The following CCSER2 variants were observed in gnomAD, a reference collection of about 807,000 sequenced individuals.
CCSER2 encodes coiled-coil serine rich protein 2, also known as serine-rich coiled-coil domain-containing protein 2.
Under a neutral mutation model 92.3 loss-of-function variants are expected in CCSER2, and 46 were observed. The ratio of observed to expected loss-of-function variants is 0.50; its 90% CI spans 0.39 to 0.64. CCSER2 has a LOEUF of 0.64. Among genes scored for constraint, CCSER2 ranks in the 30% least tolerant of loss-of-function variants. The pLI is 0.00. For synonymous variants in CCSER2, 433 were observed against 431.4 expected (o/e 1.00, Z -0.04); for missense variants, 1,244 against 1,238.9 (o/e 1.00, Z -0.06).
chr10:84,362,789 G>A (rs1451183527), intron 1 of CCSER2, among the ~76,000 whole-genome samples: 3 of 151,922 alleles, frequency 2.0e-5, no homozygotes, highest in Non-Finnish European at 4.4e-5. Context: ...GGCTAAAGTT[G>A]TCATTTTTGC....
At chr10:84,344,989 C>T (rs1329074966) in intron 1 of CCSER2, among the ~76,000 whole-genome samples, 1 of 152,200 alleles carries the variant, frequency 6.6e-6, no homozygotes, top group Non-Finnish European at 1.5e-5. Flanking sequence ...ACCTGGCACA[C>T]AAGTACTTAA....
intron 1 of CCSER2, among the ~76,000 whole-genome samples, chr10:84,348,029 C>T (rs1156672063): frequency 6.6e-6 from 1 of 152,208 alleles, no homozygotes; most frequent in Non-Finnish European, 1.5e-5. Flanking sequence ...GGCAGAGACG[C>T]TCGTCACTTC....
At chr10:84,332,436 A>ATTTTTTTTTTTTT in intron 1 of CCSER2, among the ~76,000 whole-genome samples, 2 of 55,212 alleles carry the variant, frequency 3.6e-5, no homozygotes, top group Non-Finnish European at 5.3e-5. Context: ...ATATATATAT[A>ATTTTTTTTTTTTT]TTTTTTTTTT....
intron 3 of CCSER2, among the ~76,000 whole-genome samples, chr10:84,383,666 C>T (rs1474277214): frequency 2.0e-5 from 3 of 152,084 alleles, no homozygotes; most frequent in African/African-American, 7.2e-5. Context: ...GTGGTTGCAC[C>T]TTCTCTACAT....
intron 1 of CCSER2, among the ~76,000 whole-genome samples, chr10:84,341,938 C>G (rs560643694): frequency 2.2e-4 from 34 of 152,300 alleles, no homozygotes; most frequent in African/African-American, 7.2e-4. Flanking sequence ...GTACCACTCT[C>G]CAGATATCTC....
intron 1 of CCSER2, among the ~76,000 whole-genome samples, chr10:84,339,633 G>A (rs538188826): frequency 1.7e-4 from 26 of 151,648 alleles, no homozygotes; most frequent in Admixed American, 5.9e-4. Flanking sequence ...GCGCCACCAC[G>A]CCTGGCTGGT....
intron 4 of CCSER2, among the ~76,000 whole-genome samples, chr10:84,421,488 C>T (rs1295955231): frequency 6.6e-6 from 1 of 152,012 alleles, no homozygotes; most frequent in East Asian, 1.9e-4. Flanking sequence ...GGGAAAATCC[C>T]CTTATAAAAT....
At chr10:84,485,401 G>A (rs35597624) in intron 9 of CCSER2, among the ~76,000 whole-genome samples, 8,858 of 152,064 alleles carry the variant, frequency 0.058, 367 homozygotes, top group Admixed American at 0.1. Flanking sequence ...CCTAACCTCT[G>A]GTAACCACTA....
intron 1 of CCSER2, among the ~76,000 whole-genome samples, chr10:84,347,095 C>T (rs1437943629): frequency 2.0e-5 from 3 of 152,170 alleles, no homozygotes; most frequent in Non-Finnish European, 2.9e-5. Context: ...CACATGGTTG[C>T]GGGTAAGGTC....
At chr10:84,355,585 A>G (rs1038416228) in intron 1 of CCSER2, among the ~76,000 whole-genome samples, 2 of 151,974 alleles carry the variant, frequency 1.3e-5, no homozygotes, top group African/African-American at 4.8e-5. Context: ...TCTTGTCTAC[A>G]TGTCTTTTCC....
intron 1 of CCSER2, among the ~76,000 whole-genome samples, chr10:84,370,020 C>A (rs997507242): frequency 3.9e-5 from 6 of 152,036 alleles, no homozygotes; most frequent in African/African-American, 1.4e-4. Flanking sequence ...TACTTTTATA[C>A]CAGTACCATG....
chr10:84,372,077 C>G lies in CCSER2; in HGVS notation c.1025C>G (p.Ser342Ter). ...GTMTVDGNKN[S>*]PADTCVEEDA... ...ATGACAGTTGATGGAAATAAAAATT[C>G]ACCTGCTGACACATGTGTAGAGGAA... Residue 342 changes from serine (S) to a stop codon, truncating the protein, a stop_gained, in exon 2 of 10, where the codon TCA (serine) becomes TGA (stop). Transcript: ENST00000372088. LOFTEE classifies it high-confidence loss of function. The G allele has an allele frequency of 6.2e-7, 1 of 1,613,780 alleles. No individual in the cohort carries two copies. The highest frequency in any genetic ancestry group is 1.1e-5 in the South Asian group (1 of 91,072).
intron 6 of CCSER2, among the ~76,000 whole-genome samples, chr10:84,451,644 A>G (rs1845297560): frequency 6.6e-6 from 1 of 152,224 alleles, no homozygotes; most frequent in Non-Finnish European, 1.5e-5. Flanking sequence ...ATCTGGGTTC[A>G]GATATGTACA....
chr10:84,345,382 C>T (rs1326098746), intron 1 of CCSER2, among the ~76,000 whole-genome samples: 1 of 152,148 alleles, frequency 6.6e-6, no homozygotes, highest in Non-Finnish European at 1.5e-5. Context: ...CAGAAACATA[C>T]TTTAAAAGCA....
chr10:84,355,955 T>G (rs1011379425), intron 1 of CCSER2, among the ~76,000 whole-genome samples: 2 of 152,008 alleles, frequency 1.3e-5, no homozygotes, highest in Non-Finnish European at 2.9e-5. Context: ...ATACAAAAAT[T>G]AGCTGGATGT....
intron 6 of CCSER2, among the ~76,000 whole-genome samples, chr10:84,441,470 A>G (rs34658490): frequency 0.21 from 31,840 of 151,832 alleles, 3,586 homozygotes; most frequent in Admixed American, 0.34. Flanking sequence ...CTCTTTTTAA[A>G]TGGTCATTTT....
At chr10:84,491,508 G>A (rs1245107108) in intron 9 of CCSER2, among the ~76,000 whole-genome samples, 1 of 152,132 alleles carries the variant, frequency 6.6e-6, no homozygotes, top group Non-Finnish European at 1.5e-5. Context: ...TAGCAATGAG[G>A]GAGGATCCAT....
rs1478410008 is a variant in CCSER2, at chr10:84,517,180, GGTTT to G, written c.*2917_*2920del. On this transcript the variant is annotated 3_prime_UTR_variant, in exon 10 of 10. Coordinates refer to ENST00000372088, the MANE Select transcript of CCSER2 (RefSeq NM_001284240.2). Reference sequence around the variant, plus strand: ...AAGTCCTGAGGAAGAAATTTTATGGGGTTTGTTAAGTTTCACATTCGTGAAAGAG... The same window carrying G: ...AAGTCCTGAGGAAGAAATTTTATGGGGTTAAGTTTCACATTCGTGAAAGAG... 4 of 152,136 alleles carry G rather than the reference GGTTT, an allele frequency of 2.6e-5. No homozygotes were observed. The highest frequency in any genetic ancestry group is 5.9e-5 in the Non-Finnish European group (4 of 68,016). The allele number at this position is 152,136 out of a possible 1,614,324, so 9.4% of individuals were successfully genotyped here.
intron 1 of CCSER2, among the ~76,000 whole-genome samples, chr10:84,352,343 A>G (rs184128531): frequency 6.6e-6 from 1 of 151,896 alleles, no homozygotes; most frequent in East Asian, 1.9e-4. Flanking sequence ...TGTCCATACA[A>G]TCCTTCTGAG....
Sources: gnomAD v4.1 joint callset for allele counts (sites outside exome capture counted in the v4.1 genomes callset) on GRCh38, gnomAD v4.1.1 for gene constraint, MANE v1.5 for transcripts, NCBI Gene and HGNC (gene_info 2026-07-23, HGNC 2026-07-21) for gene names.